Variants in RBM39 observed in about 807,000 individuals in gnomAD.
RBM39 encodes the protein RNA binding motif protein 39, also known as RNA-binding protein 39.
In RBM39, 12 loss-of-function variants were observed where a neutral mutation model predicts 79.6. The ratio of observed to expected loss-of-function variants is 0.15; its 90% CI spans 0.10 to 0.24. The LOEUF (loss-of-function observed/expected upper bound fraction) is 0.24. Ranked by LOEUF, RBM39 falls within the 10% of genes least tolerant of loss-of-function variation. The pLI is 1.00. For synonymous variants in RBM39, 185 were observed against 208.4 expected, an observed-to-expected ratio of 0.89 and a Z score of 0.97; for missense variants, 243 against 653.4, an observed-to-expected ratio of 0.37 and a Z score of 6.85.
At chr20:35,726,327 T>C (rs1245108913) in intron 6 of RBM39, among the ~76,000 whole-genome samples, 1 of 151,212 alleles carries the variant, frequency 6.6e-6, no homozygotes, top group African/African-American at 2.4e-5. Context: ...GACATGGGAT[T>C]CCACTGTGTT....
chr20:35,740,505 A>G, intron 2 of RBM39: 2 of 1,292,764 alleles, frequency 1.5e-6, no homozygotes, highest in Non-Finnish European at 2.1e-6. Flanking sequence ...CGGTACAGCG[A>G]TAAGTCACTC....
At chr20:35,706,065 A>G (rs1390925832) in intron 14 of RBM39, among the ~76,000 whole-genome samples, 1 of 152,092 alleles carries the variant, frequency 6.6e-6, no homozygotes, top group East Asian at 1.9e-4. Flanking sequence ...TCAGCCAGGC[A>G]TCATGGCACA....
rs2037606574 is a variant in RBM39, at chr20:35,719,380, A to G, written c.825+2360T>C. Among the ~76,000 whole-genome samples, 9 of 152,292 alleles carry G rather than the reference A, an allele frequency of 5.9e-5. No individual in the cohort carries two copies. In the South Asian group the frequency reaches 1.9e-3, roughly 32 times the overall value. On this transcript the variant is annotated intron_variant, in intron 9 of 16. Transcript: ENST00000253363. ...ACAGCTGTTTGGAAGAGAGTTGAGT[A>G]CTTGCAACAAGACCATATGGCACTG...
chr20:35,715,309 G>A (rs1442308156), intron 10 of RBM39, among the ~76,000 whole-genome samples: 5 of 152,084 alleles, frequency 3.3e-5, no homozygotes, highest in Non-Finnish European at 7.4e-5. Context: ...CTAGATGCTA[G>A]GATTATAGGC....
chr20:35,734,933 T>C, intron 3 of RBM39: 1 of 1,587,996 alleles, frequency 6.3e-7, no homozygotes, highest in East Asian at 2.2e-5. Context: ...GGCAGTGAAA[T>C]TTTGTACTGA....
At chr20:35,731,916 C>T in intron 4 of RBM39, 25 bp downstream of exon 4, 1 of 1,606,368 alleles carries the variant, frequency 6.2e-7, no homozygotes, top group Non-Finnish European at 8.5e-7. Flanking sequence ...ACCCTCAAAC[C>T]AAAATCATAA....
At chr20:35,723,122 G>T (rs559321637) in intron 8 of RBM39, among the ~76,000 whole-genome samples, 3 of 151,376 alleles carry the variant, frequency 2.0e-5, no homozygotes, top group Non-Finnish European at 4.4e-5. Flanking sequence ...TGGTATAACC[G>T]AACGTAGTTG....
intron 6 of RBM39, among the ~76,000 whole-genome samples, chr20:35,728,881 T>G (rs992876763): frequency 6.6e-6 from 1 of 151,628 alleles, no homozygotes; most frequent in African/African-American, 2.4e-5. Context: ...AGCTCAACAC[T>G]AGGCTAGCCA....
intron 14 of RBM39, among the ~76,000 whole-genome samples, chr20:35,706,586 AATAGCATTCTAATC>A (rs2035757092): frequency 6.6e-6 from 1 of 152,202 alleles, no homozygotes; most frequent in Non-Finnish European, 1.5e-5. Flanking sequence ...AGAGTTAAAA[AATAGCATTCTAATC>A]ACTAGCTAGG....
chr20:35,726,293 G>A (rs920300866), intron 6 of RBM39, among the ~76,000 whole-genome samples: 3 of 151,958 alleles, frequency 2.0e-5, no homozygotes, highest in Non-Finnish European at 1.5e-5. Flanking sequence ...CACCATGCCT[G>A]GCTAATTTTC....
intron 11 of RBM39, 32 bp from the exon 12 acceptor site, chr20:35,713,128 T>A: frequency 6.4e-7 from 1 of 1,571,618 alleles, no homozygotes; most frequent in Non-Finnish European, 8.7e-7. Context: ...GTTCCTACTA[T>A]GTTGAGAGCA....
At chr20:35,730,353 C>G (rs2039230708) in intron 4 of RBM39, among the ~76,000 whole-genome samples, 2 of 152,160 alleles carry the variant, frequency 1.3e-5, no homozygotes, top group South Asian at 2.1e-4. Flanking sequence ...TCCAGAAGAA[C>G]AGCGAAATAA....
intron 13 of RBM39, 25 bp from the exon 14 acceptor site, chr20:35,707,226 G>T: frequency 6.5e-7 from 1 of 1,549,884 alleles, no homozygotes; most frequent in Non-Finnish European, 8.9e-7. Flanking sequence ...AGAAAAATTA[G>T]TTTCATGGAA....
At chr20:35,707,245 A>G (rs899309716) in intron 13 of RBM39, 44 bp from the exon 14 acceptor site, 5 of 1,405,502 alleles carry the variant, frequency 3.6e-6, no homozygotes, top group Non-Finnish European at 5.0e-6. Context: ...AAAATGCATG[A>G]AAGTATCCCT....
chr20:35,714,655 A>G (rs1289322258), intron 10 of RBM39, among the ~76,000 whole-genome samples: 2 of 152,196 alleles, frequency 1.3e-5, no homozygotes, highest in Non-Finnish European at 2.9e-5. Flanking sequence ...TTGTGGTTAG[A>G]AAATGTGAAA....
chr20:35,716,722 A>G lies in RBM39; in HGVS notation c.891+18T>C. ...AAAAAAAAAAACCCTAAGTAATATA[A>G]TTATGGTAATTACTTACTGTAATAA... On this transcript the variant is annotated intron_variant, in intron 10 of 16. Transcript: ENST00000253363. 4 of 1,469,012 alleles carry G rather than the reference A, an allele frequency of 2.7e-6. No individual in the cohort carries two copies. Among genetic ancestry groups the G allele is most frequent in the Non-Finnish European group, 3.8e-6 (4 of 1,065,918 alleles). 91.0% of individuals were successfully genotyped at this position (1,469,012 alleles called of 1,614,324 possible).
intron 2 of RBM39, 97 bp downstream of exon 2, chr20:35,740,727 G>A: frequency 4.4e-6 from 6 of 1,366,942 alleles, no homozygotes; most frequent in South Asian, 3.6e-5. Context: ...GATAAATCAA[G>A]AGGGCTCCGG....
chr20:35,730,236 T>C (rs1055011866), intron 4 of RBM39, among the ~76,000 whole-genome samples: 1 of 152,214 alleles, frequency 6.6e-6, no homozygotes. Context: ...TTCACAAAGA[T>C]CATAAAGGTA....
intron 3 of RBM39, among the ~76,000 whole-genome samples, chr20:35,735,895 C>T (rs1006966240): frequency 6.6e-6 from 1 of 152,116 alleles, no homozygotes; most frequent in East Asian, 1.9e-4. Flanking sequence ...CAAAGGCCAC[C>T]GAATATCACA....
Sources: allele counts gnomAD v4.1 joint callset (sites outside exome capture counted in the v4.1 genomes callset), GRCh38; gene constraint gnomAD v4.1.1; transcripts MANE v1.5; gene names NCBI Gene and HGNC (gene_info 2026-07-23, HGNC 2026-07-21).